ANKS1B: variants seen among roughly 807,000 people sequenced by gnomAD.
ANKS1B encodes ankyrin repeat and sterile alpha motif domain-containing protein 1B.
Under a neutral mutation model 148.3 loss-of-function variants are expected in ANKS1B, and 36 were observed. The ratio of observed to expected loss-of-function variants is 0.24; its 90% CI spans 0.19 to 0.32. The LOEUF (loss-of-function observed/expected upper bound fraction) is 0.32, where lower values mean the gene tolerates loss of function less well. ANKS1B is among the 10% of genes least tolerant of loss of function. The pLI is 1.00. For synonymous variants in ANKS1B, 542 were observed against 560.8 expected, an observed-to-expected ratio of 0.97 and a Z score of 0.47; for missense variants, 1,157 against 1,542.6, an observed-to-expected ratio of 0.75 and a Z score of 4.19.
chr12:99,948,009 T>G (rs896128571), intron 1 of ANKS1B, among the ~76,000 whole-genome samples: 3 of 152,210 alleles, frequency 2.0e-5, no homozygotes, highest in Non-Finnish European at 4.4e-5. Context: ...AAGGCCCATG[T>G]GACTGTATTA....
At chr12:99,509,081 G>A (rs2096738902) in intron 9 of ANKS1B, among the ~76,000 whole-genome samples, 1 of 151,772 alleles carries the variant, frequency 6.6e-6, no homozygotes, top group Non-Finnish European at 1.5e-5. Flanking sequence ...AATGCCACAA[G>A]CCACAATCAT....
intron 16 of ANKS1B, among the ~76,000 whole-genome samples, chr12:99,076,505 C>T (rs1278926710): frequency 6.6e-6 from 1 of 152,116 alleles, no homozygotes; most frequent in East Asian, 1.9e-4. Context: ...CAATAAACAC[C>T]TGTCTATTGA....
intron 17 of ANKS1B, among the ~76,000 whole-genome samples, chr12:98,977,732 A>G (rs757289826): frequency 1.3e-5 from 2 of 152,344 alleles, no homozygotes; most frequent in South Asian, 4.1e-4. Context: ...ATAGGGAATC[A>G]AAGTATAGAA....
At chr12:98,787,937 C>T (rs1470702879) in intron 22 of ANKS1B, among the ~76,000 whole-genome samples, 1 of 110,616 alleles carries the variant, frequency 9.0e-6, no homozygotes, top group African/African-American at 3.6e-5. Flanking sequence ...AAGACTCCAT[C>T]TCCAAAAAAA....
chr12:99,067,070 G>C (rs969677529), intron 16 of ANKS1B, among the ~76,000 whole-genome samples: 7 of 152,214 alleles, frequency 4.6e-5, no homozygotes, highest in Non-Finnish European at 7.3e-5. Context: ...CTCTGACTGT[G>C]CCCTGGCCAG....
At chr12:98,889,350 A>AT (rs199671576) in intron 17 of ANKS1B, among the ~76,000 whole-genome samples, 1,487 of 145,636 alleles carry the variant, frequency 0.01, 25 homozygotes, top group East Asian at 0.085. Flanking sequence ...AACCTTTTTT[A>AT]TTTTTTTTTT....
intron 12 of ANKS1B, among the ~76,000 whole-genome samples, chr12:99,336,537 T>C (rs1470597211): frequency 6.6e-6 from 1 of 152,148 alleles, no homozygotes; most frequent in Non-Finnish European, 1.5e-5. Context: ...TTTGATTTGA[T>C]TTTTGTATAC....
intron 1 of ANKS1B, among the ~76,000 whole-genome samples, chr12:99,939,490 G>A (rs568832505): frequency 6.6e-4 from 101 of 151,954 alleles, no homozygotes; most frequent in Non-Finnish European, 1.0e-3. Context: ...CCCAGCCTTC[G>A]AAAGTGCTGG....
chr12:99,407,275 A>G (rs1316028147), intron 11 of ANKS1B, among the ~76,000 whole-genome samples: 1 of 146,130 alleles, frequency 6.8e-6, no homozygotes, highest in Non-Finnish European at 1.5e-5. Flanking sequence ...AAGGACAAAA[A>G]ACTACATAAC....
chr12:99,969,692 T>C (rs970933771), intron 1 of ANKS1B, among the ~76,000 whole-genome samples: 5 of 152,360 alleles, frequency 3.3e-5, no homozygotes, highest in Non-Finnish European at 7.3e-5. Context: ...TATAATTTTG[T>C]AGAAAATGTA....
chr12:99,073,951 G>A (rs1260085577), intron 16 of ANKS1B, among the ~76,000 whole-genome samples: 6 of 152,174 alleles, frequency 3.9e-5, no homozygotes. Flanking sequence ...CATTTAATAG[G>A]ACTGGGACTT....
intron 1 of ANKS1B, among the ~76,000 whole-genome samples, chr12:99,952,855 T>C (rs1301590225): frequency 6.6e-6 from 1 of 152,208 alleles, no homozygotes; most frequent in African/African-American, 2.4e-5. Flanking sequence ...CTATCCCAAT[T>C]TCTTTATCCT....
In ANKS1B at chr12:98,952,435, G is replaced by A. The variant is rs560918517; in HGVS notation, c.2778+100722C>T. The stretch of plus-strand genomic sequence containing the variant: ...GGTCAAAAAGTTTGTTTTAGTGAAA[G>A]CATCACAGATAATGAAGTATTTGAA... On this transcript the variant is annotated intron_variant, in intron 17 of 26. Transcript: ENST00000683438. Among the ~76,000 whole-genome samples the A allele has an allele frequency of 1.4e-3, 219 of 152,304 alleles. 2 individuals are homozygous for A. Among genetic ancestry groups the A allele is most frequent in the Non-Finnish European group, 1.5e-3 (103 of 68,028 alleles).
chr12:99,525,287 G>T (rs1448064409), intron 9 of ANKS1B, among the ~76,000 whole-genome samples: 1 of 152,168 alleles, frequency 6.6e-6, no homozygotes, highest in African/African-American at 2.4e-5. Flanking sequence ...TTTAAAGATG[G>T]TGATTCTTTC....
In ANKS1B at chr12:99,121,318, G is replaced by GGGGTGTGT. The variant is rs796549235; in HGVS notation, c.2526+32970_2526+32971insACACACCC. 4.6e-3 allele frequency among the ~76,000 whole-genome samples: 486 copies of GGGGTGTGT among 105,944 alleles called. 3 individuals are homozygous for GGGGTGTGT. Among genetic ancestry groups the GGGGTGTGT allele is most frequent in the Non-Finnish European group, 6.6e-3 (351 of 53,178 alleles). 69.5% of individuals were successfully genotyped at this position (105,944 alleles called of 152,430 possible). On this transcript the variant is annotated intron_variant, in intron 15 of 26. Coordinates refer to ENST00000683438, the MANE Select transcript of ANKS1B (RefSeq NM_001352186.2). Reference sequence around the variant, plus strand: ...ACTGTTTTAACAGTGTGTGTATGTAGGTATGTGTGTGTGTGTGTGTGTGTG... The same window carrying GGGGTGTGT: ...ACTGTTTTAACAGTGTGTGTATGTAGGGGTGTGTGTATGTGTGTGTGTGTGTGTGTGTG...
chr12:99,835,248 C>CAAA (rs1191460160), intron 1 of ANKS1B, among the ~76,000 whole-genome samples: 6 of 86,966 alleles, frequency 6.9e-5, no homozygotes, highest in African/African-American at 2.0e-4. Context: ...CCCATCTCTA[C>CAAA]AAAAAAAAAA....
chr12:99,141,409 T>C (rs1371789455), intron 15 of ANKS1B, among the ~76,000 whole-genome samples: 2 of 151,994 alleles, frequency 1.3e-5, no homozygotes, highest in Non-Finnish European at 2.9e-5. Context: ...ATTTCTTTTT[T>C]TTTTTTTCAC....
At chr12:99,764,185 G>A (rs1356038509) in intron 8 of ANKS1B, among the ~76,000 whole-genome samples, 1 of 152,110 alleles carries the variant, frequency 6.6e-6, no homozygotes, top group Non-Finnish European at 1.5e-5. Context: ...CTATGCTAAG[G>A]ACAAATACAT....
chr12:99,510,117 T>C (rs567372984), intron 9 of ANKS1B, among the ~76,000 whole-genome samples: 25 of 152,108 alleles, frequency 1.6e-4, no homozygotes, highest in African/African-American at 5.3e-4. Flanking sequence ...TTCAAAATAT[T>C]ACTATTCATT....
Sources: gnomAD v4.1 joint callset for allele counts (sites outside exome capture counted in the v4.1 genomes callset) on GRCh38, gnomAD v4.1.1 for gene constraint, MANE v1.5 for transcripts, NCBI Gene and HGNC (gene_info 2026-07-23, HGNC 2026-07-21) for gene names.